MEF2C: variants seen among roughly 807,000 people sequenced by gnomAD.
MEF2C encodes myocyte-specific enhancer factor 2C.
In MEF2C, 6 loss-of-function variants were observed where a neutral mutation model predicts 50.5. The ratio of observed to expected loss-of-function variants is 0.12; its 90% CI spans 0.07 to 0.23. MEF2C has a LOEUF of 0.23. Among genes scored for constraint, MEF2C ranks in the 10% least tolerant of loss-of-function variants. MEF2C has a pLI of 1.00. For missense variants in MEF2C, 276 were observed against 605.0 expected, an observed-to-expected ratio of 0.46 and a Z score of 5.70; for synonymous variants, 183 against 228.0, an observed-to-expected ratio of 0.80 and a Z score of 1.78.
chr5:88,718,706 A>G lies in MEF2C; in HGVS notation c.*3898T>C, dbSNP rs2151987664. On this transcript the variant is annotated 3_prime_UTR_variant, in exon 11 of 11. Coordinates refer to ENST00000504921, the MANE Select transcript of MEF2C (RefSeq NM_002397.5). ...CTGAATTAAACTGAGGTATGAATCA[A>G]TTTGAGGTATGAACAGGGAAGGCAA... is the stretch of plus-strand genomic sequence containing the variant. 1 of 152,364 alleles carries G rather than the reference A, an allele frequency of 6.6e-6. No homozygotes were observed. Among genetic ancestry groups the G allele is most frequent in the Non-Finnish European group, 1.5e-5 (1 of 68,036 alleles). 9.4% of individuals were successfully genotyped at this position (152,364 alleles called of 1,614,324 possible).
At chr5:88,784,807 T>C (rs1305006313) in intron 3 of MEF2C, among the ~76,000 whole-genome samples, 2 of 152,146 alleles carry the variant, frequency 1.3e-5, no homozygotes, top group Admixed American at 6.5e-5. Flanking sequence ...AGGTTGAAAA[T>C]GGTTTCGCAG....
chr5:88,758,339 G>A (rs925369074), intron 4 of MEF2C, among the ~76,000 whole-genome samples: 5 of 152,044 alleles, frequency 3.3e-5, no homozygotes, highest in Non-Finnish European at 5.9e-5. Context: ...TTCCTCAGAC[G>A]GAGGTGTTTT....
chr5:88,889,379 TC>T (rs879606845), intron 1 of MEF2C: 101 of 149,636 alleles, frequency 6.7e-4, no homozygotes, highest in African/African-American at 1.7e-3. Flanking sequence ...CGTCTCTGCT[TC>T]CCCCCCCTTC....
In MEF2C at chr5:88,818,658, C is replaced by T. The variant is rs577371323; in HGVS notation, c.54+5077G>A. Reference sequence around the variant, plus strand: ...CAAACGTCCTGTGTGATCTTTCCTTCTTGTCCACAAACTATCCTCTCTGCA... The same window carrying T: ...CAAACGTCCTGTGTGATCTTTCCTTTTTGTCCACAAACTATCCTCTCTGCA... On this transcript the variant is annotated intron_variant, in intron 2 of 10. Coordinates refer to ENST00000504921, the MANE Select transcript of MEF2C (RefSeq NM_002397.5). Among the ~76,000 whole-genome samples, 353 of 152,070 alleles carry T rather than the reference C, an allele frequency of 2.3e-3. 4 individuals are homozygous for T. The highest frequency in any genetic ancestry group is 8.4e-3 in the African/African-American group (347 of 41,534).
rs1756500318 is a variant in MEF2C, at chr5:88,722,026, G to A, written c.*578C>T. 1 of 151,306 alleles carries A rather than the reference G, an allele frequency of 6.6e-6. No individual in the cohort carries two copies. The highest frequency in any genetic ancestry group is 2.4e-5 in the African/African-American group (1 of 40,996). The allele number at this position is 151,306 out of a possible 1,614,324, so 9.4% of individuals were successfully genotyped here. A position where few individuals can be genotyped will look rare whatever the true frequency, so the allele number is the denominator to read the frequency against. The stretch of plus-strand genomic sequence containing the variant: ...CCAACTCCACATTTTTTTTTAATAG[G>A]TATGGTCCTCTTTTAATGGTCTCTG... On this transcript the variant is annotated 3_prime_UTR_variant, in exon 11 of 11. Coordinates refer to ENST00000504921, the MANE Select transcript of MEF2C (RefSeq NM_002397.5).
chr5:88,738,992 T>C, intron 6 of MEF2C: 1 of 979,984 alleles, frequency 1.0e-6, no homozygotes, highest in Non-Finnish European at 1.2e-6. Context: ...CTTTTAAAAG[T>C]AGATTTTGTA....
chr5:88,750,233 T>A, intron 5 of MEF2C: 2 of 307,430 alleles, frequency 6.5e-6, no homozygotes, highest in Non-Finnish European at 9.5e-6. Context: ...GAGACAGAGC[T>A]TGCTCTGTTG....
intron 1 of MEF2C, among the ~76,000 whole-genome samples, chr5:88,890,722 T>C (rs1582015903): frequency 6.6e-6 from 1 of 152,348 alleles, no homozygotes; most frequent in East Asian, 1.9e-4. Flanking sequence ...AGGACACTCT[T>C]GGAGTTTCTG....
rs777826971 is a variant in MEF2C at position 88,729,322 on chromosome 5, G to A, written c.860C>T (p.Ser287Leu). ...LLNQRINNSQ[S>L]AQSLATPVVS... is the part of the protein sequence containing the mutation. ...CACTGGGGTAGCCAATGACTGAGCC[G>A]ACTGGGAGTTATTTATCCTTTGATT... Residue 287 changes from serine (S) to leucine (L), a missense_variant, in exon 9 of 11, where the codon TCG becomes TTG. By Grantham distance (145) the Ser-to-Leu change is moderately radical. This residue lies in a region of MEF2C where 256 missense variants were observed against 468.1 expected (regional missense o/e 0.55). Transcript: ENST00000504921. The A allele has an allele frequency of 1.9e-6, 3 of 1,611,694 alleles. No homozygotes were observed. The highest frequency in any genetic ancestry group is 2.5e-6 in the Non-Finnish European group (3 of 1,178,580).
At chr5:88,807,438 T>G (rs893457098) in intron 2 of MEF2C, among the ~76,000 whole-genome samples, 2 of 152,132 alleles carry the variant, frequency 1.3e-5, no homozygotes, top group Admixed American at 1.3e-4. Context: ...TTCCCTATGT[T>G]ACCCAGGCTG....
intron 3 of MEF2C, among the ~76,000 whole-genome samples, chr5:88,802,885 T>C (rs1330332568): frequency 1.3e-5 from 2 of 152,252 alleles, no homozygotes; most frequent in East Asian, 1.9e-4. Flanking sequence ...AATTGGCTCA[T>C]TATGGATCTA....
At chr5:88,743,574 AT>A (rs1767907123) in intron 6 of MEF2C, 1 of 978,024 alleles carries the variant, frequency 1.0e-6, no homozygotes, top group South Asian at 4.7e-5. Context: ...ATCATAAAAC[AT>A]TGCGTGTAAA....
intron 4 of MEF2C, among the ~76,000 whole-genome samples, chr5:88,754,729 C>T (rs933396047): frequency 3.3e-5 from 5 of 152,164 alleles, no homozygotes; most frequent in Admixed American, 6.5e-5. Flanking sequence ...ATTTTCAAAC[C>T]AGAAATTAGA....
At chr5:88,899,017 G>T (rs1050703570) in intron 1 of MEF2C, among the ~76,000 whole-genome samples, 1 of 152,082 alleles carries the variant, frequency 6.6e-6, no homozygotes, top group Non-Finnish European at 1.5e-5. Flanking sequence ...ATCTTTCTAA[G>T]TTTAAAAATT....
chr5:88,799,874 A>T (rs865922168), intron 3 of MEF2C, among the ~76,000 whole-genome samples: 158 of 70,202 alleles, frequency 2.3e-3, no homozygotes, highest in African/African-American at 2.4e-3. Context: ...TCTCTCTCAC[A>T]CACACACACA....
chr5:88,739,601 G>GA lies in MEF2C; in HGVS notation c.638-7701dup, dbSNP rs938051522. ...CCCTACTCTACTGGAAGTGACAGTT[G>GA]AAAAAAAAATTAGTGGAAAAATATG... On this transcript the variant is annotated intron_variant, in intron 6 of 10. Coordinates refer to ENST00000504921, the MANE Select transcript of MEF2C (RefSeq NM_002397.5). 6.6e-5 allele frequency: 65 copies of GA among 981,018 alleles called. No homozygotes were observed. The Admixed American group carries it at 1.4e-3, about 22-fold the overall frequency. 60.8% of individuals were successfully genotyped at this position (981,018 alleles called of 1,614,324 possible).
intron 6 of MEF2C, chr5:88,742,469 G>A (rs1485729178): frequency 1.0e-6 from 1 of 979,742 alleles, no homozygotes. Flanking sequence ...TGGGATATGA[G>A]TAAAGAAACC....
intron 1 of MEF2C, among the ~76,000 whole-genome samples, chr5:88,862,927 G>A (rs2153427862): frequency 6.6e-6 from 1 of 152,324 alleles, no homozygotes; most frequent in East Asian, 1.9e-4. Flanking sequence ...AATTTCCACA[G>A]AATCTGAAGT....
chr5:88,835,367 A>G (rs985076678), intron 1 of MEF2C, among the ~76,000 whole-genome samples: 4 of 152,208 alleles, frequency 2.6e-5, no homozygotes, highest in Non-Finnish European at 5.9e-5. Context: ...TGAAAATCCC[A>G]GTGTCTCACA....
Sources: gnomAD v4.1 joint callset for allele counts (sites outside exome capture counted in the v4.1 genomes callset) on GRCh38, gnomAD v4.1.1 for gene constraint, gnomAD v4.1.1 regional missense constraint, MANE v1.5 for transcripts, NCBI Gene and HGNC (gene_info 2026-07-23, HGNC 2026-07-21) for gene names.